Variants in PLXNB2 observed in about 807,000 individuals in gnomAD.
PLXNB2 encodes plexin-B2.
Under a neutral mutation model 202.6 loss-of-function variants are expected in PLXNB2, and 85 were observed. That is an observed-to-expected ratio of 0.42 (90% CI 0.35 to 0.50). The LOEUF is 0.50. Ranked by LOEUF, PLXNB2 falls within the 20% of genes least tolerant of loss-of-function variation. PLXNB2 has a pLI of 0.02. For missense variants in PLXNB2, 2,063 were observed against 2,586.2 expected (o/e 0.80, Z 4.39); for synonymous variants, 1,239 against 1,137.6 (o/e 1.09, Z -1.79).
Position 50,289,380 on chromosome 22 carries a change from C to T in PLXNB2, c.1068+137G>A. The T allele has an allele frequency of 8.5e-7, 1 of 1,173,198 alleles. No individual in the cohort carries two copies. Among genetic ancestry groups the T allele is most frequent in the Non-Finnish European group, 1.2e-6 (1 of 857,508 alleles). The allele number at this position is 1,173,198 out of a possible 1,614,324, so 72.7% of individuals were successfully genotyped here. On this transcript the variant is annotated intron_variant, in intron 3 of 36. Transcript: ENST00000359337. The surrounding 1 kb of genome is among the most constrained non-coding windows in gnomAD (Gnocchi z 8.0). Reference sequence around the variant, plus strand: ...GAATGGCATTGAGAGATGCGGCACCCACCCACGCAAGCGCCCAGGCTGGCG... The same window carrying T: ...GAATGGCATTGAGAGATGCGGCACCTACCCACGCAAGCGCCCAGGCTGGCG...
chr22:50,288,767 G>C lies in PLXNB2; in HGVS notation c.1356C>G (p.Ser452Arg), dbSNP rs372467611. ...RDLVLSGDLG[S>R]LYAMTQDKVF... is the part of the protein sequence containing the mutation. ...CCTTGTCCTGGGTCATGGCGTACAG[G>C]CTGCCCAGGTCTCCAGACAGTACCA... The change falls in exon 5 of 37, where the codon AGC becomes AGG. Residue 452 changes from serine (S) to arginine (R), a missense_variant. Around this residue, in one of 2 missense-constraint regions of PLXNB2, gnomAD observed 1,303 missense variants for 1,476.8 expected, o/e 0.88. Transcript: ENST00000359337. The surrounding 1 kb of genome is among the most constrained non-coding windows in gnomAD (Gnocchi z 5.0). 2.5e-6 allele frequency: 4 copies of C among 1,612,910 alleles called. No individual in the cohort carries two copies. The highest frequency in any genetic ancestry group is 3.4e-6 in the Non-Finnish European group (4 of 1,179,972).
At chr22:50,306,428 C>T (rs975821720) in intron 1 of PLXNB2, among the ~76,000 whole-genome samples, 3 of 152,258 alleles carry the variant, frequency 2.0e-5, no homozygotes, top group African/African-American at 7.2e-5. Context: ...GAGGGCTCCT[C>T]CCACCAGCTG....
In PLXNB2 at chr22:50,284,436, G is replaced by A. The variant is rs1243058914; in HGVS notation, c.2181+137C>T. 6.7e-6 allele frequency: 5 copies of A among 748,606 alleles called. No individual in the cohort carries two copies. Among genetic ancestry groups the A allele is most frequent in the Non-Finnish European group, 1.1e-5 (5 of 445,076 alleles). The allele number at this position is 748,606 out of a possible 1,614,324, so 46.4% of individuals were successfully genotyped here. A position where few individuals can be genotyped will look rare whatever the true frequency, so the allele number is the denominator to read the frequency against. Reference sequence around the variant, plus strand: ...GAGGGGGCTTCCCCAGCAGCACAGGGCATGGCGAGCCCCTGGCTGGGCTCT... The same window carrying A: ...GAGGGGGCTTCCCCAGCAGCACAGGACATGGCGAGCCCCTGGCTGGGCTCT... On this transcript the variant is annotated intron_variant, in intron 12 of 36. Coordinates refer to ENST00000359337, the MANE Select transcript of PLXNB2 (RefSeq NM_012401.4). The surrounding 1 kb of genome is among the most constrained non-coding windows in gnomAD (Gnocchi z 8.0).
In PLXNB2 at chr22:50,278,439, C is replaced by T. The variant is rs1412857662; in HGVS notation, c.4728G>A (p.Gly1576=). ...GGGCAACAGGGAGGGACTCACGCTCCCCAGGCAGGTCCTGCTGGCTGTCCT... is the reference window on the plus strand; with the variant it reads ...GGGCAACAGGGAGGGACTCACGCTCTCCAGGCAGGTCCTGCTGGCTGTCCT... ...QPEDSQQDLP[G]ERHALLEEEN... The change falls in exon 30 of 37, where the codon GGG becomes GGA. Residue 1576 remains glycine, a synonymous_variant. Transcript: ENST00000359337. 6.4e-7 allele frequency: 1 copy of T among 1,559,194 alleles called. No homozygotes were observed. The highest frequency in any genetic ancestry group is 8.7e-7 in the Non-Finnish European group (1 of 1,151,674).
At chr22:50,300,151 G>A (rs553530888) in intron 1 of PLXNB2, 1 of 556,916 alleles carries the variant, frequency 1.8e-6, no homozygotes, top group East Asian at 1.5e-4. Context: ...GGCCGCCTCT[G>A]GGACAAACCT....
At position 50,281,347 on chromosome 22, in the gene PLXNB2, G is replaced by A; in HGVS notation, c.3662+13C>T. 1.2e-6 allele frequency: 2 copies of A among 1,611,270 alleles called. No homozygotes were observed. Among genetic ancestry groups the A allele is most frequent in the Non-Finnish European group, 1.7e-6 (2 of 1,179,426 alleles). ...GGGCTCAGGGTGTTGGCACAGCCGG[G>A]GGGCGGGCTCACCAGTAGCAGTAGA... On this transcript the variant is annotated intron_variant, in intron 22 of 36. Transcript: ENST00000359337.
At position 50,284,205 on chromosome 22, in the gene PLXNB2, G is replaced by A. The variant is rs371502137; in HGVS notation, c.2190C>T (p.His730=). The change falls in exon 13 of 37, where the codon CAC becomes CAT. Residue 730 remains histidine (H), a synonymous_variant. Coordinates refer to ENST00000359337, the MANE Select transcript of PLXNB2 (RefSeq NM_012401.4). The surrounding 1 kb of genome is among the most constrained non-coding windows in gnomAD (Gnocchi z 8.0). ...TFAFRTPKLS[H]DANETLPLHL... ...GCAGGGGCAGCGTCTCGTTGGCATC[G>A]TGGGACAGCTGGGGGACACGCAGGG... 52 of 1,612,664 alleles carry A rather than the reference G, an allele frequency of 3.2e-5. 1 individual carries two copies. Among genetic ancestry groups the A allele is most frequent in the South Asian group, 2.3e-4 (21 of 91,082 alleles).
chr22:50,284,038 C>T lies in PLXNB2; in HGVS notation c.2264-48G>A, dbSNP rs1293242224. 1.8e-5 allele frequency: 28 copies of T among 1,523,370 alleles called. No individual in the cohort carries two copies. Among genetic ancestry groups the T allele is most frequent in the East Asian group, 4.9e-5 (2 of 40,848 alleles). The allele number at this position is 1,523,370 out of a possible 1,614,324, so 94.4% of individuals were successfully genotyped here. A position where few individuals can be genotyped will look rare whatever the true frequency, so the allele number is the denominator to read the frequency against. On this transcript the variant is annotated intron_variant, in intron 13 of 36. Transcript: ENST00000359337. This position sits in a 1 kb window ranked among gnomAD's most constrained non-coding sequence, Gnocchi z 8.0. ...TGGTCACCCCGTGCCTGCCCGCCCC[C>T]GACCTGCTCCCCACTGCGCCCACCT...
At chr22:50,276,212 G>C (rs1192113105) in intron 35 of PLXNB2, among the ~76,000 whole-genome samples, 3 of 152,320 alleles carry the variant, frequency 2.0e-5, no homozygotes, top group Non-Finnish European at 1.5e-5. Context: ...CACAGGGACG[G>C]GTGCTGTGAG....
chr22:50,289,890 A>G lies in PLXNB2; in HGVS notation c.695T>C (p.Phe232Ser), dbSNP rs758074370. 7 of 1,613,078 alleles carry G rather than the reference A, an allele frequency of 4.3e-6. No individual in the cohort carries two copies. The highest frequency in any genetic ancestry group is 5.1e-6 in the Non-Finnish European group (6 of 1,180,030). Residue 232 changes from phenylalanine (F) to serine (S), a missense_variant, in exon 3 of 37, where the codon TTC becomes TCC. Coordinates refer to ENST00000359337, the MANE Select transcript of PLXNB2 (RefSeq NM_012401.4). This position sits in a 1 kb window ranked among gnomAD's most constrained non-coding sequence, Gnocchi z 8.0. ...FEDGPYVFFVFNQQDKHPARN... is the reference protein window; with the variant it reads ...FEDGPYVFFVSNQQDKHPARN... ...GGCCGGGTGCTTGTCCTGCTGGTTG[A>G]AGACAAAGAAGACGTAGGGGCCGTC...
rs375411386 is a variant in PLXNB2 at position 50,290,435 on chromosome 22, C to T, written c.150G>A (p.Ala50=). ...DEASGVVYLG[A]VNALYQLDAK... ...CATCCAGCTGGTAGAGGGCATTCAC[C>T]GCCCCCAGGTACACCACGCCTGAGG... Residue 50 remains alanine (A), a synonymous_variant, in exon 3 of 37, where the codon GCG becomes GCA. Transcript: ENST00000359337. 9.5e-5 allele frequency: 153 copies of T among 1,612,832 alleles called. No individual in the cohort carries two copies. Among genetic ancestry groups the T allele is most frequent in the East Asian group, 6.0e-4 (27 of 44,896 alleles).
chr22:50,286,548 C>T (rs1601715167), intron 8 of PLXNB2, among the ~76,000 whole-genome samples: 2 of 152,192 alleles, frequency 1.3e-5, no homozygotes, highest in Non-Finnish European at 1.5e-5. Flanking sequence ...GGCGCAGCAC[C>T]GGGCTTGCCT....
At position 50,282,049 on chromosome 22, in the gene PLXNB2, G is replaced by A. The variant is rs756623397; in HGVS notation, c.3150C>T (p.Asp1050=). 4.5e-5 allele frequency: 72 copies of A among 1,612,432 alleles called. No individual in the cohort carries two copies. Among genetic ancestry groups the A allele is most frequent in the Non-Finnish European group, 5.7e-5 (67 of 1,179,942 alleles). ...VVGTDYVFHN[D]TKVVFLSPAV... is the part of the protein sequence containing the mutation. Reference sequence around the variant, plus strand: ...CCGGGGACAGGAAGACGACCTTGGTGTCATTGTGGAACACGTAGTCTGTAC... The same window carrying A: ...CCGGGGACAGGAAGACGACCTTGGTATCATTGTGGAACACGTAGTCTGTAC... The change falls in exon 20 of 37, where the codon GAC becomes GAT. Residue 1050 remains aspartate (D), a synonymous_variant. Transcript: ENST00000359337.
At chr22:50,278,047 G>C in intron 31 of PLXNB2, 34 bp from the exon 32 acceptor site, 2 of 1,603,296 alleles carry the variant, frequency 1.2e-6, no homozygotes, top group Non-Finnish European at 1.7e-6. Flanking sequence ...TGACGCCGTG[G>C]GCGCGGCTCC....
At chr22:50,306,292 G>A (rs895844847) in intron 1 of PLXNB2, among the ~76,000 whole-genome samples, 1 of 152,204 alleles carries the variant, frequency 6.6e-6, no homozygotes, top group Non-Finnish European at 1.5e-5. Flanking sequence ...AGATGTGCCA[G>A]GCCCACCTGC....
At chr22:50,307,062 C>T (rs922860621) in intron 1 of PLXNB2, among the ~76,000 whole-genome samples, 1 of 152,212 alleles carries the variant, frequency 6.6e-6, no homozygotes, top group African/African-American at 2.4e-5. Context: ...CGAGGAGGCC[C>T]AGGCAGTGGG....
Position 50,281,089 on chromosome 22 carries a change from C to A in PLXNB2, c.3763G>T (p.Asp1255Tyr), listed in dbSNP as rs753759595. The stretch of plus-strand genomic sequence containing the variant: ...GCACCAGCCCCCAAGCGGTCCCTAC[C>A]TGTGAATTCCTTCTTGCAGCGGTCC... ...VRDRCKKEFTDLMIEMEDQTN... is the reference protein window; with the variant it reads ...VRDRCKKEFTYLMIEMEDQTN... The change falls in exon 23 of 37, where the codon GAC (aspartate) becomes TAC (tyrosine). Residue 1255 changes from aspartate (D) to tyrosine (Y), a missense_variant and splice_region_variant. By Grantham distance (160) the Asp-to-Tyr change is radical. This residue lies in a region of PLXNB2 where 760 missense variants were observed against 1,109.4 expected (regional missense o/e 0.69). Coordinates refer to ENST00000359337, the MANE Select transcript of PLXNB2 (RefSeq NM_012401.4). The A allele has an allele frequency of 1.2e-6, 2 of 1,612,492 alleles. No homozygotes were observed. The highest frequency in any genetic ancestry group is 2.7e-5 in the African/African-American group (2 of 74,924).
chr22:50,292,076 G>A (rs967797597), intron 2 of PLXNB2, among the ~76,000 whole-genome samples: 4 of 152,168 alleles, frequency 2.6e-5, no homozygotes, highest in African/African-American at 9.7e-5. Flanking sequence ...GGTGGCTCAC[G>A]CCTGTAATCC....
chr22:50,291,817 G>A lies in PLXNB2; in HGVS notation c.-13-1220C>T, dbSNP rs557767564. 1.7e-4 allele frequency among the ~76,000 whole-genome samples: 26 copies of A among 152,066 alleles called. No individual in the cohort carries two copies. The highest frequency in any genetic ancestry group is 3.1e-4 in the Non-Finnish European group (21 of 67,998). On this transcript the variant is annotated intron_variant, in intron 2 of 36. Coordinates refer to ENST00000359337, the MANE Select transcript of PLXNB2 (RefSeq NM_012401.4). The surrounding 1 kb of genome is among the most constrained non-coding windows in gnomAD (Gnocchi z 4.3). ...TCATCTTCCCTGAGTGCACCAGTAC[G>A]GGGGGCTCCCAGGTGTCCAGGGCAG...
Sources: gnomAD v4.1 joint callset for allele counts (sites outside exome capture counted in the v4.1 genomes callset) on GRCh38, gnomAD v4.1.1 for gene constraint, gnomAD v4.1.1 regional missense constraint, Gnocchi (gnomAD v3.1) non-coding constraint, MANE v1.5 for transcripts, NCBI Gene and HGNC (gene_info 2026-07-23, HGNC 2026-07-21) for gene names.